The following GPC4 variants were observed in gnomAD, a reference collection of about 807,000 sequenced individuals.
GPC4 encodes glypican 4.
In GPC4, 10 loss-of-function variants were observed where a neutral mutation model predicts 35.0. The observed-to-expected ratio is 0.29, with a 90% confidence interval of 0.18 to 0.48. The LOEUF is 0.48. GPC4 is among the 20% of genes least tolerant of loss of function. GPC4 has a pLI of 0.99. For missense variants in GPC4, 322 were observed against 451.3 expected (o/e 0.71, Z 2.60); for synonymous variants, 167 against 170.2 (o/e 0.98, Z 0.15).
chrX:133,333,043 G>A (rs1254611436), intron 2 of GPC4, among the ~76,000 whole-genome samples: 1 of 112,277 alleles, frequency 8.9e-6, no homozygotes, highest in Non-Finnish European at 1.9e-5. Flanking sequence ...GAGAGAGGGT[G>A]ATGAAGATGG....
chrX:133,358,364 A>G (rs1244698078), intron 1 of GPC4, among the ~76,000 whole-genome samples: 1 of 112,331 alleles, frequency 8.9e-6, no homozygotes, highest in African/African-American at 3.2e-5. Context: ...ATAAAATTCA[A>G]AAGATTAAGA....
intron 1 of GPC4, among the ~76,000 whole-genome samples, chrX:133,355,403 A>T (rs1166063087): frequency 8.9e-6 from 1 of 112,209 alleles, no homozygotes; most frequent in African/African-American, 3.2e-5. Context: ...CTTATAAAAA[A>T]GCATTGTTTC....
chrX:133,414,153 G>A (rs759204717), intron 1 of GPC4, among the ~76,000 whole-genome samples: 7 of 111,174 alleles, frequency 6.3e-5, no homozygotes, highest in African/African-American at 2.3e-4. Context: ...GGTTTGGAGG[G>A]GTGGAGAGTG....
chrX:133,305,820 G>A lies in GPC4; in HGVS notation c.1107C>T (p.His369=). 8.3e-7 allele frequency: 1 copy of A among 1,212,065 alleles called. No homozygotes were observed. Among genetic ancestry groups the A allele is most frequent in the Non-Finnish European group, 1.1e-6 (1 of 895,596 alleles). The part of the protein sequence containing the change: ...SAFSARFRPH[H]PEERPTTAAG... ...CTGCTGTGGTTGGGCGTTCCTCGGG[G>A]TGATGTGGTCTGAAGCGAGCACTGA... is the stretch of plus-strand genomic sequence containing the variant. The change falls in exon 6 of 9, where the codon CAC becomes CAT. Residue 369 remains histidine (H), a synonymous_variant. Transcript: ENST00000370828.
At position 133,340,023 on chromosome X, in the gene GPC4, T is replaced by C. The variant is rs185560350; in HGVS notation, c.161-682A>G. Among the ~76,000 whole-genome samples, 352 of 111,358 alleles carry C rather than the reference T, an allele frequency of 3.2e-3. 2 individuals are homozygous for C. Among genetic ancestry groups the C allele is most frequent in the African/African-American group, 0.011 (336 of 30,593 alleles). ...ACCCTATGATTCTGTGTATGTAGCA[T>C]CATCTCAGTATAGACCAACAACTTC... On this transcript the variant is annotated intron_variant, in intron 1 of 8. Coordinates refer to ENST00000370828, the MANE Select transcript of GPC4 (RefSeq NM_001448.3).
intron 1 of GPC4, among the ~76,000 whole-genome samples, chrX:133,352,281 T>C (rs1257723843): frequency 8.9e-6 from 1 of 111,831 alleles, no homozygotes; most frequent in Non-Finnish European, 1.9e-5. Context: ...ATATAACCTA[T>C]ACATTGCCAT....
intron 1 of GPC4, among the ~76,000 whole-genome samples, chrX:133,407,829 G>A (rs958060423): frequency 1.8e-5 from 2 of 112,346 alleles, no homozygotes; most frequent in Admixed American, 9.4e-5. Context: ...TAGTCATGCC[G>A]GGTTCTTTTT....
intron 1 of GPC4, among the ~76,000 whole-genome samples, chrX:133,344,792 A>G (rs2068485349): frequency 8.9e-6 from 1 of 112,398 alleles, no homozygotes; most frequent in South Asian, 3.7e-4. Context: ...ACACTGGTAG[A>G]GAACCCAGGC....
At chrX:133,304,603 T>G (rs1164986998) in intron 7 of GPC4, 122 bp downstream of exon 7, 2 of 810,130 alleles carry the variant, frequency 2.5e-6, no homozygotes, top group Admixed American at 2.6e-5. Context: ...GCCTTCCATG[T>G]TGTTGCTACC....
chrX:133,362,394 T>G (rs2068573191), intron 1 of GPC4, among the ~76,000 whole-genome samples: 1 of 111,518 alleles, frequency 9.0e-6, no homozygotes, highest in Non-Finnish European at 1.9e-5. Context: ...ATAATACAAA[T>G]GTTCTACATT....
At chrX:133,335,764 T>G (rs1479858092) in intron 2 of GPC4, among the ~76,000 whole-genome samples, 2 of 111,720 alleles carry the variant, frequency 1.8e-5, no homozygotes, top group Non-Finnish European at 3.8e-5. Context: ...GTTGAAAAGG[T>G]TTTTTTTCAA....
chrX:133,350,939 C>T (rs1195415727), intron 1 of GPC4, among the ~76,000 whole-genome samples: 2 of 112,339 alleles, frequency 1.8e-5, no homozygotes, highest in South Asian at 3.7e-4. Context: ...ACCCTGGCAA[C>T]TGGCCATGAA....
intron 1 of GPC4, among the ~76,000 whole-genome samples, chrX:133,358,964 G>T (rs1165518770): frequency 9.0e-6 from 1 of 110,971 alleles, no homozygotes; most frequent in Non-Finnish European, 1.9e-5. Context: ...AAGATCTGGA[G>T]ACACGAAAAA....
At position 133,415,042 on chromosome X, in the gene GPC4, G is replaced by T; in HGVS notation, c.-77C>A. 9.8e-7 allele frequency: 1 copy of T among 1,020,245 alleles called. No homozygotes were observed. Among genetic ancestry groups the T allele is most frequent in the Non-Finnish European group, 1.3e-6 (1 of 747,664 alleles). The allele number at this position is 1,020,245 out of a possible 1,213,427, so 84.1% of individuals were successfully genotyped here. On this transcript the variant is annotated 5_prime_UTR_variant, in exon 1 of 9. Coordinates refer to ENST00000370828, the MANE Select transcript of GPC4 (RefSeq NM_001448.3). Reference sequence around the variant, plus strand: ...GCGCTACGGCAGCGGGCCGAGGGCTGGCGGAGTCGGGGACTAGCGAGTGGA... The same window carrying T: ...GCGCTACGGCAGCGGGCCGAGGGCTTGCGGAGTCGGGGACTAGCGAGTGGA...
chrX:133,383,023 A>G (rs2068670480), intron 1 of GPC4, among the ~76,000 whole-genome samples: 1 of 112,027 alleles, frequency 8.9e-6, no homozygotes, highest in South Asian at 3.7e-4. Flanking sequence ...CACCCTTATC[A>G]TATGATCTAG....
chrX:133,388,164 G>A (rs747115007), intron 1 of GPC4, among the ~76,000 whole-genome samples: 84 of 111,850 alleles, frequency 7.5e-4, no homozygotes, highest in Non-Finnish European at 1.4e-3. Context: ...GACCACAAAT[G>A]GGCAAAGCCC....
chrX:133,319,443 CAAAAAAAAAAAAAAA>C (rs369290840), intron 3 of GPC4, among the ~76,000 whole-genome samples: 42 of 16,899 alleles, frequency 2.5e-3, no homozygotes, highest in Non-Finnish European at 3.3e-3. Flanking sequence ...GACCCTATGT[CAAAAAAAAAAAAAAA>C]AAAAAAAAAA....
intron 2 of GPC4, among the ~76,000 whole-genome samples, chrX:133,326,022 G>T (rs867516910): frequency 6.0e-5 from 6 of 100,683 alleles, no homozygotes; most frequent in African/African-American, 1.5e-4. Context: ...TATGGCTTGT[G>T]TTTTTTTTTT....
intron 1 of GPC4, among the ~76,000 whole-genome samples, chrX:133,357,143 G>A (rs1038376374): frequency 1.8e-5 from 2 of 110,295 alleles, no homozygotes; most frequent in Non-Finnish European, 3.8e-5. Context: ...CAGCACTTTG[G>A]GAGGCCGAGG....
Sources: allele counts gnomAD v4.1 joint callset (sites outside exome capture counted in the v4.1 genomes callset), GRCh38; gene constraint gnomAD v4.1.1; transcripts MANE v1.5; gene names NCBI Gene and HGNC (gene_info 2026-07-23, HGNC 2026-07-21).